Variants in NOVA1 observed in about 807,000 individuals in gnomAD.
NOVA1 encodes RNA-binding protein Nova-1.
Under a neutral mutation model 38.0 loss-of-function variants are expected in NOVA1, and 7 were observed. That is an observed-to-expected ratio of 0.18 (90% confidence interval 0.10 to 0.35). NOVA1 has a LOEUF of 0.35. Among genes scored for constraint, NOVA1 ranks in the 10% least tolerant of loss-of-function variants. NOVA1 has a pLI of 1.00. For missense variants in NOVA1, 460 were observed against 616.0 expected (o/e 0.75, Z 2.68); for synonymous variants, 270 against 232.5 (o/e 1.16, Z -1.47).
intron 3 of NOVA1, among the ~76,000 whole-genome samples, chr14:26,476,100 T>C (rs1192526514): frequency 6.6e-6 from 1 of 152,196 alleles, no homozygotes; most frequent in African/African-American, 2.4e-5. Flanking sequence ...TTTGTATACA[T>C]ACTGTACCAA....
chr14:26,508,981 AAG>A (rs1401955309), intron 2 of NOVA1, among the ~76,000 whole-genome samples: 2 of 152,098 alleles, frequency 1.3e-5, no homozygotes, highest in Non-Finnish European at 2.9e-5. Context: ...AAAAAAAGCA[AAG>A]AGAGTTAAAA....
chr14:26,493,927 A>G (rs1269946387), intron 2 of NOVA1, among the ~76,000 whole-genome samples: 1 of 152,178 alleles, frequency 6.6e-6, no homozygotes, highest in East Asian at 1.9e-4. Context: ...CATAATTACA[A>G]GGAGCAGAAA....
At chr14:26,493,322 T>C (rs1886501590) in intron 2 of NOVA1, among the ~76,000 whole-genome samples, 1 of 152,202 alleles carries the variant, frequency 6.6e-6, no homozygotes, top group Admixed American at 6.5e-5. Flanking sequence ...GACTTAGCCA[T>C]TACAAACAGT....
At position 26,448,632 on chromosome 14, in the gene NOVA1, G is replaced by C. The variant is rs1594309747; in HGVS notation, c.851C>G (p.Ala284Gly). 1.2e-6 allele frequency: 2 copies of C among 1,614,252 alleles called. No homozygotes were observed. The highest frequency in any genetic ancestry group is 2.2e-5 in the East Asian group (1 of 44,884). Residue 284 changes from alanine to glycine, a missense_variant, in exon 5 of 5, where the codon GCA becomes GGA. Coordinates refer to ENST00000539517, the MANE Select transcript of NOVA1 (RefSeq NM_002515.3). This position sits in a 1 kb window ranked among gnomAD's most constrained non-coding sequence, Gnocchi z 5.3. ...AGCATGTCCTAATAGCCCTGCAGCT[G>C]CTGCAGCAGTTGGTAACACTTCAGC... ...NTAEVLPTAA[A>G]AAGLLGHANL... is the part of the protein sequence containing the mutation.
intron 4 of NOVA1, among the ~76,000 whole-genome samples, chr14:26,464,790 T>C (rs1332187503): frequency 6.6e-6 from 1 of 152,158 alleles, no homozygotes; most frequent in Admixed American, 6.5e-5. Context: ...GATATTCCTA[T>C]ATTAAATCTT....
At chr14:26,550,419 A>G (rs1891090016) in intron 2 of NOVA1, among the ~76,000 whole-genome samples, 1 of 152,184 alleles carries the variant, frequency 6.6e-6, no homozygotes, top group Non-Finnish European at 1.5e-5. Context: ...TCTTCTCCAA[A>G]ATCAAATTAA....
intron 4 of NOVA1, among the ~76,000 whole-genome samples, chr14:26,463,345 C>G (rs1883852362): frequency 1.3e-5 from 2 of 152,098 alleles, no homozygotes. Context: ...AACACACACA[C>G]GTCTTGAATT....
At position 26,549,598 on chromosome 14, in the gene NOVA1, A is replaced by G; in HGVS notation, c.280+45812T>C. ...CACTAAGTTTAACTGACCTCAATAC[A>G]CTTTTAGATGATGTTTCCCAGTTAT... is the stretch of plus-strand genomic sequence containing the variant. On this transcript the variant is annotated intron_variant, in intron 2 of 4. Transcript: ENST00000539517. The G allele has an allele frequency of 1.2e-5, 6 of 488,426 alleles. No individual in the cohort carries two copies. The South Asian group carries it at 1.4e-4, about 11-fold the overall frequency. The allele number at this position is 488,426 out of a possible 1,614,324, so 30.3% of individuals were successfully genotyped here.
Position 26,484,104 on chromosome 14 carries a change from A to G in NOVA1, c.281-3961T>C, listed in dbSNP as rs191360325. On this transcript the variant is annotated intron_variant, in intron 2 of 4. Transcript: ENST00000539517. ...AAAATGAGTAAACTTTTTAGGCATG[A>G]CAAATCTTGATACTGTTGATATAGA... Among the ~76,000 whole-genome samples the G allele has an allele frequency of 3.9e-5, 6 of 152,260 alleles. No individual in the cohort carries two copies. The East Asian group carries it at 9.6e-4, about 24-fold the overall frequency.
chr14:26,468,817 G>C (rs903628319), intron 4 of NOVA1, among the ~76,000 whole-genome samples: 1 of 152,064 alleles, frequency 6.6e-6, no homozygotes, highest in Non-Finnish European at 1.5e-5. Context: ...AAACTTATCA[G>C]TAAATAAACA....
chr14:26,518,587 CTA>C, intron 2 of NOVA1, among the ~76,000 whole-genome samples: 1 of 152,098 alleles, frequency 6.6e-6, no homozygotes, highest in Non-Finnish European at 1.5e-5. Flanking sequence ...CATATACACA[CTA>C]TATAAAAACC....
chr14:26,515,255 G>T lies in NOVA1; in HGVS notation c.281-35112C>A, dbSNP rs189015548. On this transcript the variant is annotated intron_variant, in intron 2 of 4. Transcript: ENST00000539517. ...TTCCAGTTAACAATGACTGTAATGT[G>T]TAACCTGGAATTGTGCAATATGATT... 2.5e-3 allele frequency among the ~76,000 whole-genome samples: 382 copies of T among 151,888 alleles called. 1 individual carries two copies. The highest frequency in any genetic ancestry group is 8.7e-3 in the African/African-American group (361 of 41,506).
chr14:26,523,654 A>T (rs1360310999), intron 2 of NOVA1, among the ~76,000 whole-genome samples: 1 of 150,984 alleles, frequency 6.6e-6, no homozygotes, highest in Non-Finnish European at 1.5e-5. Flanking sequence ...ATACATTTTT[A>T]TTTATGGGCA....
chr14:26,497,628 A>G (rs1886917330), intron 2 of NOVA1, among the ~76,000 whole-genome samples: 1 of 152,192 alleles, frequency 6.6e-6, no homozygotes, highest in South Asian at 2.1e-4. Context: ...CCAAGGACTG[A>G]GGATCAGCTC....
At chr14:26,536,086 GT>G in intron 2 of NOVA1, among the ~76,000 whole-genome samples, 1 of 152,146 alleles carries the variant, frequency 6.6e-6, no homozygotes, top group East Asian at 1.9e-4. Context: ...AGATGATTAT[GT>G]TAAGTGAAAT....
intron 2 of NOVA1, among the ~76,000 whole-genome samples, chr14:26,505,654 C>A (rs1887592634): frequency 6.6e-6 from 1 of 152,126 alleles, no homozygotes; most frequent in Non-Finnish European, 1.5e-5. Flanking sequence ...ACATAATACA[C>A]ACATATATGC....
intron 3 of NOVA1, among the ~76,000 whole-genome samples, chr14:26,476,972 C>T (rs1224059457): frequency 6.8e-6 from 1 of 148,072 alleles, no homozygotes; most frequent in Non-Finnish European, 1.5e-5. Context: ...GCCTCAGTCT[C>T]CCAAAGTGCT....
At chr14:26,520,103 C>G (rs1173125438) in intron 2 of NOVA1, among the ~76,000 whole-genome samples, 1 of 152,228 alleles carries the variant, frequency 6.6e-6, no homozygotes, top group Admixed American at 6.5e-5. Flanking sequence ...ATTGTTGATA[C>G]ATTAACATTT....
chr14:26,464,388 C>G (rs1212447028), intron 4 of NOVA1, among the ~76,000 whole-genome samples: 1 of 152,148 alleles, frequency 6.6e-6, no homozygotes, highest in Non-Finnish European at 1.5e-5. Flanking sequence ...AGCCTAGGAG[C>G]AACAGGTTGT....
Sources: allele counts gnomAD v4.1 joint callset (sites outside exome capture counted in the v4.1 genomes callset), GRCh38; gene constraint gnomAD v4.1.1; non-coding constraint Gnocchi (gnomAD v3.1); transcripts MANE v1.5; gene names NCBI Gene and HGNC (gene_info 2026-07-23, HGNC 2026-07-21).